The following NOPCHAP1 variants were observed in gnomAD, a reference collection of about 807,000 sequenced individuals.
The protein encoded by NOPCHAP1 is NOP protein chaperone 1, also known as DNA damage-sensitive RNA 1.
In NOPCHAP1, 13 loss-of-function variants were observed where a neutral mutation model predicts 14.0. That is an observed-to-expected ratio of 0.93 (90% CI 0.60 to 1.47). NOPCHAP1 has a LOEUF of 1.47. Among genes scored for constraint, NOPCHAP1 ranks in the 40% most tolerant of loss-of-function variants. The probability of loss-of-function intolerance (pLI) is 0.00; values close to 1 mark genes in which losing one functional copy is unlikely to be tolerated. For missense variants in NOPCHAP1, 230 were observed against 226.9 expected (o/e 1.01, Z -0.09); for synonymous variants, 78 against 78.4 (o/e 1.00, Z 0.03).
At chr12:104,990,923 T>G (rs759803545) in intron 2 of NOPCHAP1, among the ~76,000 whole-genome samples, 1 of 152,192 alleles carries the variant, frequency 6.6e-6, no homozygotes, top group Admixed American at 6.5e-5. Flanking sequence ...ATCCAGGTGC[T>G]CAGTGTCCTC....
rs1873755930 is a variant in NOPCHAP1 at position 105,008,717 on chromosome 12, C to T, written c.*14021C>T. 6.6e-6 allele frequency: 1 copy of T among 152,178 alleles called. No homozygotes were observed. 9.4% of individuals were successfully genotyped at this position (152,178 alleles called of 1,614,324 possible). ...TCTGCATATGGCTAGCCAGTTTACC[C>T]AACACCATTTATTAAATAGGGAATC... On this transcript the variant is annotated 3_prime_UTR_variant, in exon 4 of 4. Coordinates refer to ENST00000552951, the MANE Select transcript of NOPCHAP1 (RefSeq NM_152318.3).
rs1461748946 is a variant in NOPCHAP1, at chr12:105,010,677, C to G, written c.*15981C>G. The G allele has an allele frequency of 6.6e-6, 1 of 152,160 alleles. No individual in the cohort carries two copies. Among genetic ancestry groups the G allele is most frequent in the Non-Finnish European group, 1.5e-5 (1 of 68,024 alleles). 9.4% of individuals were successfully genotyped at this position (152,160 alleles called of 1,614,324 possible). ...TCCCAGAGATTCTGGTATGTTGTGT[C>G]TTTGTTCTCATTGGTTTCAAATAAT... is the stretch of plus-strand genomic sequence containing the variant. On this transcript the variant is annotated 3_prime_UTR_variant, in exon 4 of 4. Transcript: ENST00000552951.
In NOPCHAP1 at chr12:104,997,291, A is replaced by G. The variant is rs929529368; in HGVS notation, c.*2595A>G. 1.3e-5 allele frequency: 2 copies of G among 152,200 alleles called. No individual in the cohort carries two copies. Among genetic ancestry groups the G allele is most frequent in the African/African-American group, 4.8e-5 (2 of 41,454 alleles). The allele number at this position is 152,200 out of a possible 1,614,324, so 9.4% of individuals were successfully genotyped here. A position where few individuals can be genotyped will look rare whatever the true frequency, so the allele number is the denominator to read the frequency against. On this transcript the variant is annotated 3_prime_UTR_variant, in exon 4 of 4. Coordinates refer to ENST00000552951, the MANE Select transcript of NOPCHAP1 (RefSeq NM_152318.3). The stretch of plus-strand genomic sequence containing the variant: ...TTGTAAGGCAGATCTGATGTTAACA[A>G]ATTCCCTTAGCATTTGCCTGTCTGA...
rs111764505 is a variant in NOPCHAP1 at position 104,986,629 on chromosome 12, G to A, written c.115+162G>A. Among the ~76,000 whole-genome samples, 3,865 of 152,268 alleles carry A rather than the reference G, an allele frequency of 0.025. 172 individuals are homozygous for A. Among genetic ancestry groups the A allele is most frequent in the African/African-American group, 0.088 (3,647 of 41,550 alleles). On this transcript the variant is annotated intron_variant, in intron 1 of 3. Transcript: ENST00000552951. ...CTCCGGCGTGCCCTGCCCGCGGCAG[G>A]GGTGGGGGCTTTGGGGCGGGCACCC...
At position 105,009,439 on chromosome 12, in the gene NOPCHAP1, T is replaced by C. The variant is rs1473952296; in HGVS notation, c.*14743T>C. 6.6e-6 allele frequency: 1 copy of C among 152,300 alleles called. No individual in the cohort carries two copies. The highest frequency in any genetic ancestry group is 2.1e-4 in the South Asian group (1 of 4,830). The allele number at this position is 152,300 out of a possible 1,614,324, so 9.4% of individuals were successfully genotyped here. On this transcript the variant is annotated 3_prime_UTR_variant, in exon 4 of 4. Coordinates refer to ENST00000552951, the MANE Select transcript of NOPCHAP1 (RefSeq NM_152318.3). Reference sequence around the variant, plus strand: ...GACAATTTGACTTCCTCTCTTCCTATTTTTATACCCTTTATTTCTTTCTCT... The same window carrying C: ...GACAATTTGACTTCCTCTCTTCCTACTTTTATACCCTTTATTTCTTTCTCT...
intron 2 of NOPCHAP1, among the ~76,000 whole-genome samples, chr12:104,989,082 T>C (rs1873318325): frequency 6.6e-6 from 1 of 150,390 alleles, no homozygotes; most frequent in African/African-American, 2.5e-5. Flanking sequence ...GTTTAGTTGC[T>C]GCACATCCTA....
chr12:105,006,558 A>G lies in NOPCHAP1; in HGVS notation c.*11862A>G, dbSNP rs973856592. The G allele has an allele frequency of 2.0e-5, 3 of 152,216 alleles. No homozygotes were observed. Among genetic ancestry groups the G allele is most frequent in the Admixed American group, 2.0e-4 (3 of 15,282 alleles). The allele number at this position is 152,216 out of a possible 1,614,324, so 9.4% of individuals were successfully genotyped here. Reference sequence around the variant, plus strand: ...CAAAGCATTGATGGAACCAATCCAGACAAAGGGGTCTTGTCCAAGCCTTTT... The same window carrying G: ...CAAAGCATTGATGGAACCAATCCAGGCAAAGGGGTCTTGTCCAAGCCTTTT... On this transcript the variant is annotated 3_prime_UTR_variant, in exon 4 of 4. Transcript: ENST00000552951.
intron 2 of NOPCHAP1, among the ~76,000 whole-genome samples, chr12:104,989,820 A>G (rs1306095860): frequency 6.6e-6 from 1 of 152,154 alleles, no homozygotes; most frequent in Non-Finnish European, 1.5e-5. Context: ...GTGTGTTTCA[A>G]TTTGGATAGC....
rs113292239 is a variant in NOPCHAP1, at chr12:105,015,864, C to G, written c.*21168C>G. On this transcript the variant is annotated 3_prime_UTR_variant, in exon 4 of 4. Coordinates refer to ENST00000552951, the MANE Select transcript of NOPCHAP1 (RefSeq NM_152318.3). The stretch of plus-strand genomic sequence containing the variant: ...GCTATTTCAAACAAGATTAGATTCT[C>G]TAGCCTCATATCATATGCAAAGATA... The G allele has an allele frequency of 1.6e-3, 239 of 152,194 alleles. 3 individuals carry two copies. Among genetic ancestry groups the G allele is most frequent in the African/African-American group, 5.5e-3 (230 of 41,514 alleles). The allele number at this position is 152,194 out of a possible 1,614,324, so 9.4% of individuals were successfully genotyped here. A position where few individuals can be genotyped will look rare whatever the true frequency, so the allele number is the denominator to read the frequency against.
Position 105,012,789 on chromosome 12 carries a change from G to C in NOPCHAP1, c.*18093G>C, listed in dbSNP as rs1275848078. On this transcript the variant is annotated 3_prime_UTR_variant, in exon 4 of 4. Transcript: ENST00000552951. ...TTGCTGGAGGTCCACTCCAGACCCTGTTTACCTGGGTATCACCAGCAGAGG... is the reference window on the plus strand; with the variant it reads ...TTGCTGGAGGTCCACTCCAGACCCTCTTTACCTGGGTATCACCAGCAGAGG... 1 of 152,716 alleles carries C rather than the reference G, an allele frequency of 6.5e-6. No homozygotes were observed. 9.5% of individuals were successfully genotyped at this position (152,716 alleles called of 1,614,324 possible). A position where few individuals can be genotyped will look rare whatever the true frequency, so the allele number is the denominator to read the frequency against.
At position 104,988,164 on chromosome 12, in the gene NOPCHAP1, C is replaced by T. The variant is rs1873284254; in HGVS notation, c.116-3C>T. The stretch of plus-strand genomic sequence containing the variant: ...AAGGGTGTTTGTGTGTCTGTATTTT[C>T]AGGTATATGGGACAGGTTGCTCATC... On this transcript the variant is annotated splice_region_variant and splice_polypyrimidine_tract_variant and intron_variant, in intron 1 of 3. Transcript: ENST00000552951. 1 of 1,604,486 alleles carries T rather than the reference C, an allele frequency of 6.2e-7. No homozygotes were observed. The highest frequency in any genetic ancestry group is 8.5e-7 in the Non-Finnish European group (1 of 1,172,136).
chr12:104,993,672 C>T (rs73383495), intron 3 of NOPCHAP1, among the ~76,000 whole-genome samples: 3,360 of 152,220 alleles, frequency 0.022, 98 homozygotes, highest in East Asian at 0.14. Flanking sequence ...TTTCACCTTT[C>T]GTGAATAGCA....
rs1189425813 is a variant in NOPCHAP1 at position 105,006,811 on chromosome 12, T to G, written c.*12115T>G. On this transcript the variant is annotated 3_prime_UTR_variant, in exon 4 of 4. Coordinates refer to ENST00000552951, the MANE Select transcript of NOPCHAP1 (RefSeq NM_152318.3). Reference sequence around the variant, plus strand: ...ACTTTTAGGTTCAAGGGTACTTGTGTGCAGGTTTGTTATATAGGTATTTTG... The same window carrying G: ...ACTTTTAGGTTCAAGGGTACTTGTGGGCAGGTTTGTTATATAGGTATTTTG... 1 of 152,156 alleles carries G rather than the reference T, an allele frequency of 6.6e-6. No individual in the cohort carries two copies. Among genetic ancestry groups the G allele is most frequent in the Non-Finnish European group, 1.5e-5 (1 of 68,028 alleles). 9.4% of individuals were successfully genotyped at this position (152,156 alleles called of 1,614,324 possible).
Position 104,994,554 on chromosome 12 carries a change from CA to C in NOPCHAP1, c.417del (p.Glu140ArgfsTer19), listed in dbSNP as rs1365374547. 6.2e-7 allele frequency: 1 copy of C among 1,612,876 alleles called. No individual in the cohort carries two copies. The highest frequency in any genetic ancestry group is 8.5e-7 in the Non-Finnish European group (1 of 1,179,328). ...TCAGAAGAGAGTTCACAAGACAGTT[CA>C]GAGAACAGTTCAGAATCAGAAGACG... ...DSSEESSQDS[S>X]ENSSESEDED... On this transcript the variant is annotated frameshift_variant, in exon 4 of 4. Transcript: ENST00000552951. LOFTEE classifies it high-confidence loss of function.
At position 104,986,423 on chromosome 12, in the gene NOPCHAP1, C is replaced by T; in HGVS notation, c.71C>T (p.Pro24Leu). The part of the protein sequence containing the change: ...SSPTRDSSGV[P>L]VSKELLTAGS... ...CCCACCCGGGATTCCTCAGGAGTCC[C>T]AGTGTCCAAGGAGCTGCTGACGGCG... The change falls in exon 1 of 4, where the codon CCA (proline) becomes CTA (leucine). Residue 24 changes from proline to leucine, a missense_variant. Physicochemically the swap from Pro to Leu is moderately conservative, Grantham distance 98. Coordinates refer to ENST00000552951, the MANE Select transcript of NOPCHAP1 (RefSeq NM_152318.3). The T allele has an allele frequency of 6.2e-7, 1 of 1,611,490 alleles. No individual in the cohort carries two copies.
At position 105,012,571 on chromosome 12, in the gene NOPCHAP1, T is replaced by C. The variant is rs1308728078; in HGVS notation, c.*17875T>C. 1 of 152,252 alleles carries C rather than the reference T, an allele frequency of 6.6e-6. No homozygotes were observed. Among genetic ancestry groups the C allele is most frequent in the South Asian group, 2.1e-4 (1 of 4,834 alleles). The allele number at this position is 152,252 out of a possible 1,614,324, so 9.4% of individuals were successfully genotyped here. A position where few individuals can be genotyped will look rare whatever the true frequency, so the allele number is the denominator to read the frequency against. On this transcript the variant is annotated 3_prime_UTR_variant, in exon 4 of 4. Transcript: ENST00000552951. ...ATCCTTTGGAGGAGAAGAGGTGTTC[T>C]GGTTTTTGGAATTTTCAGCCTTTTT... is the stretch of plus-strand genomic sequence containing the variant.
At chr12:104,991,048 A>G (rs1407862021) in intron 2 of NOPCHAP1, among the ~76,000 whole-genome samples, 2 of 152,188 alleles carry the variant, frequency 1.3e-5, no homozygotes, top group African/African-American at 4.8e-5. Flanking sequence ...TCAGCCTTAT[A>G]TTCAGCCAAC....
chr12:105,000,992 A>G lies in NOPCHAP1; in HGVS notation c.*6296A>G, dbSNP rs1397278785. On this transcript the variant is annotated 3_prime_UTR_variant, in exon 4 of 4. Transcript: ENST00000552951. ...TCTAGTTGCCCATAAGGCCAATGGT[A>G]ATACCTTTGGACGAGGCAATTCAAT... is the stretch of plus-strand genomic sequence containing the variant. The G allele has an allele frequency of 6.6e-6, 1 of 151,292 alleles. No individual in the cohort carries two copies. The highest frequency in any genetic ancestry group is 1.5e-5 in the Non-Finnish European group (1 of 67,846). 9.4% of individuals were successfully genotyped at this position (151,292 alleles called of 1,614,324 possible).
Position 105,013,425 on chromosome 12 carries a change from G to T in NOPCHAP1, c.*18729G>T, listed in dbSNP as rs890079333. On this transcript the variant is annotated 3_prime_UTR_variant, in exon 4 of 4. Coordinates refer to ENST00000552951, the MANE Select transcript of NOPCHAP1 (RefSeq NM_152318.3). ...TCTTAGCTTGCTGGGCTCTGTGGGG[G>T]TGGGATTTGCTAAGCTTGACCACTT... 14 of 152,400 alleles carry T rather than the reference G, an allele frequency of 9.2e-5. No homozygotes were observed. Among genetic ancestry groups the T allele is most frequent in the African/African-American group, 3.4e-4 (14 of 41,452 alleles). The allele number at this position is 152,400 out of a possible 1,614,324, so 9.4% of individuals were successfully genotyped here.
Sources: allele counts gnomAD v4.1 joint callset (sites outside exome capture counted in the v4.1 genomes callset), GRCh38; gene constraint gnomAD v4.1.1; transcripts MANE v1.5; gene names NCBI Gene and HGNC (gene_info 2026-07-23, HGNC 2026-07-21).